The following CHLSN variants were observed in gnomAD, a reference collection of about 807,000 sequenced individuals.
CHLSN encodes protein cholesin.
At chr7:1,060,537 G>T in the CHLSN span, among the ~76,000 whole-genome samples, 1 of 152,166 alleles carries the variant, frequency 6.6e-6, no homozygotes, top group Non-Finnish European at 1.5e-5. Context: ...ACGTGGGGAC[G>T]TCACGCTCTG....
the CHLSN span, among the ~76,000 whole-genome samples, chr7:1,011,416 C>A: frequency 1.0e-5 from 1 of 99,540 alleles, no homozygotes; most frequent in African/African-American, 6.4e-5. Flanking sequence ...CAAACACCCA[C>A]AGACACCCAG....
chr7:1,052,702 C>A, the CHLSN span, among the ~76,000 whole-genome samples: 1 of 152,034 alleles, frequency 6.6e-6, no homozygotes, highest in Non-Finnish European at 1.5e-5. The surrounding 1 kb of genome is among the most constrained non-coding windows in gnomAD (Gnocchi z 4.2). Context: ...GTGGCGGGCC[C>A]CGGAAGCTGA....
chr7:1,110,986 G>GAACT, the CHLSN span, among the ~76,000 whole-genome samples: 45 of 152,170 alleles, frequency 3.0e-4, no homozygotes, highest in Non-Finnish European at 6.0e-4. Flanking sequence ...CCGAGGCAGA[G>GAACT]AACTGCTTGA....
the CHLSN span, among the ~76,000 whole-genome samples, chr7:1,113,469 A>G: frequency 6.6e-6 from 1 of 152,122 alleles, no homozygotes; most frequent in Non-Finnish European, 1.5e-5. Context: ...TGGCAGGGGC[A>G]CGGACTTGCT....
At chr7:1,091,846 A>C in the CHLSN span, 1 of 1,610,540 alleles carries the variant, frequency 6.2e-7, no homozygotes, top group Non-Finnish European at 8.5e-7. Flanking sequence ...GCTCCTGGGC[A>C]CCGCCCTGGC....
chr7:1,128,085 T>C, the CHLSN span, among the ~76,000 whole-genome samples: 12 of 10,844 alleles, frequency 1.1e-3, 1 homozygote, highest in South Asian at 3.2e-3. Flanking sequence ...TCGGCTCATC[T>C]CACCGTCACC....
At chr7:1,086,856 C>G in the CHLSN span, 1 of 152,352 alleles carries the variant, frequency 6.6e-6, no homozygotes, top group South Asian at 2.1e-4. Flanking sequence ...TCAATCTCAC[C>G]ACTTCAAAAC....
the CHLSN span, among the ~76,000 whole-genome samples, chr7:1,113,434 G>A: frequency 1.4e-4 from 22 of 152,294 alleles, no homozygotes; most frequent in Admixed American, 6.5e-4. Context: ...TGCTGTTCCT[G>A]TTCGGAGCAG....
the CHLSN span, among the ~76,000 whole-genome samples, chr7:1,129,441 G>A: frequency 2.1e-4 from 25 of 120,082 alleles, no homozygotes; most frequent in South Asian, 5.5e-4. Context: ...ACCGTCACCC[G>A]GGCTGGAGTG....
the CHLSN span, among the ~76,000 whole-genome samples, chr7:1,114,616 C>A: frequency 3.3e-5 from 5 of 152,268 alleles, no homozygotes; most frequent in Non-Finnish European, 7.3e-5. Flanking sequence ...AGGGCTACCC[C>A]CTTCCCCAGC....
At chr7:1,073,264 G>C in the CHLSN span, among the ~76,000 whole-genome samples, 1 of 152,126 alleles carries the variant, frequency 6.6e-6, no homozygotes, top group Non-Finnish European at 1.5e-5. Context: ...ACAATGACCA[G>C]AGGGCAGCGG....
the CHLSN span, among the ~76,000 whole-genome samples, chr7:1,001,615 C>G: frequency 4.4e-3 from 47 of 10,788 alleles, no homozygotes; most frequent in Admixed American, 6.7e-3. Context: ...GGGGTCCTGC[C>G]GGTGGGGAGT....
chr7:1,014,709 C>T, the CHLSN span, among the ~76,000 whole-genome samples: 3 of 152,276 alleles, frequency 2.0e-5, no homozygotes, highest in Admixed American at 6.5e-5. Context: ...CCAATCTCCA[C>T]GGTTCCGAAT....
chr7:1,120,650 T>C, the CHLSN span, among the ~76,000 whole-genome samples: 1 of 152,200 alleles, frequency 6.6e-6, no homozygotes, highest in Non-Finnish European at 1.5e-5. Context: ...ATTCCGGTCC[T>C]CGGAACGAAA....
the CHLSN span, among the ~76,000 whole-genome samples, chr7:1,086,102 A>G: frequency 4.5e-4 from 68 of 152,248 alleles, 1 homozygote; most frequent in Non-Finnish European, 8.4e-4. Context: ...AGTATCGGCC[A>G]CTCGCCCGCC....
At chr7:1,049,025 G>A in the CHLSN span, among the ~76,000 whole-genome samples, 6 of 151,986 alleles carry the variant, frequency 3.9e-5, no homozygotes, top group Admixed American at 6.5e-5. Flanking sequence ...CTGAGCGTGC[G>A]CTCCCCAGGC....
At chr7:1,004,498 G>T in the CHLSN span, among the ~76,000 whole-genome samples, 1 of 151,974 alleles carries the variant, frequency 6.6e-6, no homozygotes, top group South Asian at 2.1e-4. Context: ...TGCTGCCTAC[G>T]GCCCTGAACC....
At chr7:1,092,948 A>G in the CHLSN span, 2 of 1,234,444 alleles carry the variant, frequency 1.6e-6, no homozygotes, top group Non-Finnish European at 2.3e-6. Context: ...ATGTCTCTAA[A>G]CTGCGGTCAG....
chr7:1,056,298 G>C, the CHLSN span: 1 of 152,906 alleles, frequency 6.5e-6, no homozygotes, highest in Non-Finnish European at 1.5e-5. Flanking sequence ...GGGGTGCTGT[G>C]GCAGCGCTGT....
Sources: gnomAD v4.1 joint callset for allele counts (sites outside exome capture counted in the v4.1 genomes callset) on GRCh38, gnomAD v4.1.1 for gene constraint, Gnocchi (gnomAD v3.1) non-coding constraint, MANE v1.5 for transcripts, NCBI Gene and HGNC (gene_info 2026-07-23, HGNC 2026-07-21) for gene names.